The following MARCHF7 variants were observed in gnomAD, a reference collection of about 807,000 sequenced individuals.
MARCHF7 encodes membrane associated ring-CH-type finger 7, also known as E3 ubiquitin-protein ligase MARCHF7.
In MARCHF7, 20 loss-of-function variants were observed where a neutral mutation model predicts 76.5. That is an observed-to-expected ratio of 0.26 (90% confidence interval 0.18 to 0.38). MARCHF7 has a LOEUF of 0.38. MARCHF7 is among the 10% of genes least tolerant of loss of function. The probability of loss-of-function intolerance (pLI) is 1.00; values close to 1 mark genes in which losing one functional copy is unlikely to be tolerated. For missense variants in MARCHF7, 797 were observed against 812.9 expected (o/e 0.98, Z 0.24); for synonymous variants, 295 against 293.0 (o/e 1.01, Z -0.07).
At chr2:159,730,870 G>A (rs1291975815) in intron 4 of MARCHF7, among the ~76,000 whole-genome samples, 1 of 152,000 alleles carries the variant, frequency 6.6e-6, no homozygotes, top group Non-Finnish European at 1.5e-5. Context: ...ATCTTTTTCT[G>A]TTGTGATTGT....
chr2:159,727,359 G>A (rs554655336), intron 3 of MARCHF7, among the ~76,000 whole-genome samples: 2 of 152,146 alleles, frequency 1.3e-5, no homozygotes, highest in African/African-American at 4.8e-5. Flanking sequence ...AGGCCGAGGC[G>A]GGCAGATCAC....
At chr2:159,736,929 C>T (rs79672070) in intron 4 of MARCHF7, among the ~76,000 whole-genome samples, 2,668 of 152,266 alleles carry the variant, frequency 0.018, 34 homozygotes, top group Non-Finnish European at 0.026. Context: ...CACCTCTTCC[C>T]TCATTTTATT....
At chr2:159,764,251 TGTGTGC>T (rs1707470444) in intron 10 of MARCHF7, among the ~76,000 whole-genome samples, 1 of 124,654 alleles carries the variant, frequency 8.0e-6, no homozygotes, top group African/African-American at 2.8e-5. Context: ...TGTGTGTGTG[TGTGTGC>T]GCGCGCCCAC....
chr2:159,718,152 C>G (rs1311452555), intron 3 of MARCHF7, among the ~76,000 whole-genome samples: 2 of 152,086 alleles, frequency 1.3e-5, no homozygotes, highest in Non-Finnish European at 2.9e-5. Flanking sequence ...GAAAATTAAG[C>G]ATTAGATTAT....
chr2:159,738,443 T>C (rs553746758), intron 4 of MARCHF7, among the ~76,000 whole-genome samples: 14 of 152,162 alleles, frequency 9.2e-5, no homozygotes, highest in Non-Finnish European at 1.6e-4. Flanking sequence ...CCCGAGTTCT[T>C]GTCCCACGTC....
intron 4 of MARCHF7, among the ~76,000 whole-genome samples, chr2:159,742,352 G>C (rs1197958653): frequency 1.3e-5 from 2 of 151,862 alleles, no homozygotes; most frequent in Non-Finnish European, 2.9e-5. Flanking sequence ...TGAAAAATCT[G>C]ATTTTCATGG....
At chr2:159,757,009 C>G (rs567984985) in intron 8 of MARCHF7, among the ~76,000 whole-genome samples, 1 of 152,154 alleles carries the variant, frequency 6.6e-6, no homozygotes, top group African/African-American at 2.4e-5. Context: ...TCTCCTGCCT[C>G]AGCCTCCTAA....
intron 8 of MARCHF7, 87 bp downstream of exon 8, chr2:159,752,658 A>T: frequency 8.3e-7 from 1 of 1,199,728 alleles, no homozygotes; most frequent in Non-Finnish European, 1.1e-6. Context: ...AGATTGTTGA[A>T]TTTAGACTTT....
chr2:159,736,983 G>A (rs1473358959), intron 4 of MARCHF7, among the ~76,000 whole-genome samples: 4 of 152,288 alleles, frequency 2.6e-5, no homozygotes, highest in African/African-American at 9.6e-5. Context: ...ATCACAGATA[G>A]CCTTTTGAAT....
In MARCHF7 at chr2:159,770,507, G is replaced by GTA. The variant is rs1368542890; in HGVS notation, c.*3169_*3170dup. On this transcript the variant is annotated 3_prime_UTR_variant, in exon 12 of 12. Coordinates refer to ENST00000409175, the MANE Select transcript of MARCHF7 (RefSeq NM_001282805.2). ...TGCCATTAGTCAAGCTAGTGAGATA[G>GTA]TATATCTATCTATCTCCCCAGAAGA... is the stretch of plus-strand genomic sequence containing the variant. The GTA allele has an allele frequency of 1.3e-5, 2 of 152,114 alleles. No homozygotes were observed. Among genetic ancestry groups the GTA allele is most frequent in the Admixed American group, 1.3e-4 (2 of 15,270 alleles). 9.4% of individuals were successfully genotyped at this position (152,114 alleles called of 1,614,324 possible).
rs147069074 is a variant in MARCHF7, at chr2:159,729,067, A to C, written c.45A>C (p.Gln15His). Residue 15 changes from glutamine (Q) to histidine (H), a missense_variant, in exon 4 of 12, where the codon CAA (glutamine) becomes CAC (histidine). This residue lies in a region of MARCHF7 where 643 missense variants were observed against 631.5 expected (regional missense o/e 1.02). Transcript: ENST00000409175. The part of the protein sequence containing the change: ...PSRIPRRISV[Q>H]PSSSLSARMM... Reference sequence around the variant, plus strand: ...GGATTCCAAGAAGAATTTCTGTTCAACCTTCCAGCTCCTTAAGTGCTAGGA... The same window carrying C: ...GGATTCCAAGAAGAATTTCTGTTCACCCTTCCAGCTCCTTAAGTGCTAGGA... The C allele has an allele frequency of 6.2e-7, 1 of 1,606,548 alleles. No homozygotes were observed. Among genetic ancestry groups the C allele is most frequent in the Admixed American group, 1.7e-5 (1 of 58,052 alleles).
intron 4 of MARCHF7, among the ~76,000 whole-genome samples, chr2:159,735,849 C>T (rs1703384497): frequency 6.6e-6 from 1 of 152,130 alleles, no homozygotes; most frequent in Non-Finnish European, 1.5e-5. Flanking sequence ...CTAAGTGGAG[C>T]CAGGCATGTT....
At chr2:159,715,980 A>G (rs1297345098) in intron 3 of MARCHF7, among the ~76,000 whole-genome samples, 3 of 152,222 alleles carry the variant, frequency 2.0e-5, no homozygotes, top group Non-Finnish European at 4.4e-5. Context: ...ATTCATTTCA[A>G]GGAGAACAGT....
chr2:159,737,811 A>G lies in MARCHF7; in HGVS notation c.154-5250A>G, dbSNP rs527911055. On this transcript the variant is annotated intron_variant, in intron 4 of 11. Transcript: ENST00000409175. ...CTCAAAATTAAAAAAAAAGATGGAC[A>G]ATCACAGTGTTGGTAAGTGGTGGAG... 3.3e-5 allele frequency among the ~76,000 whole-genome samples: 5 copies of G among 152,248 alleles called. 1 individual carries two copies. The highest frequency in any genetic ancestry group is 4.1e-4 in the South Asian group (2 of 4,824).
At chr2:159,743,791 C>G (rs1044970332) in intron 5 of MARCHF7, among the ~76,000 whole-genome samples, 2 of 151,462 alleles carry the variant, frequency 1.3e-5, no homozygotes, top group African/African-American at 4.8e-5. Flanking sequence ...CCTGTAGTCC[C>G]CAGCCACTTG....
At chr2:159,764,753 T>C in intron 11 of MARCHF7, 79 bp downstream of exon 11, 1 of 1,059,362 alleles carries the variant, frequency 9.4e-7, no homozygotes, top group Non-Finnish European at 1.4e-6. Flanking sequence ...AAGTATATAC[T>C]CTGTTCTGCC....
chr2:159,718,494 C>T (rs1370337413), intron 3 of MARCHF7, among the ~76,000 whole-genome samples: 1 of 151,932 alleles, frequency 6.6e-6, no homozygotes, highest in East Asian at 1.9e-4. Flanking sequence ...CTGATCAAGG[C>T]CATTATTGTA....
rs1436147562 is a variant in MARCHF7, at chr2:159,748,037, T to C, written c.747T>C (p.Asp249=). 1.2e-6 allele frequency: 2 copies of C among 1,614,086 alleles called. No individual in the cohort carries two copies. The highest frequency in any genetic ancestry group is 1.7e-6 in the Non-Finnish European group (2 of 1,180,040). ...GATTTTCTTACAGTTCAAGTAGAGA[T>C]GAAGCCCCAATCATAAGCAATTCAG... ...QPGFSYSSSR[D]EAPIISNSER... Residue 249 remains aspartate, a synonymous_variant, in exon 7 of 12, where the codon GAT becomes GAC. Coordinates refer to ENST00000409175, the MANE Select transcript of MARCHF7 (RefSeq NM_001282805.2).
chr2:159,717,383 TG>T (rs1255195394), intron 3 of MARCHF7, among the ~76,000 whole-genome samples: 1 of 152,192 alleles, frequency 6.6e-6, no homozygotes, highest in Non-Finnish European at 1.5e-5. Flanking sequence ...TGCTTGGGAT[TG>T]CTTTAAAATA....
Sources: allele counts gnomAD v4.1 joint callset (sites outside exome capture counted in the v4.1 genomes callset), GRCh38; gene constraint gnomAD v4.1.1; regional missense constraint gnomAD v4.1.1; transcripts MANE v1.5; gene names NCBI Gene and HGNC (gene_info 2026-07-23, HGNC 2026-07-21).